Variants in SLC22A23 observed in about 807,000 individuals in gnomAD.
The protein encoded by SLC22A23 is ion transporter protein.
In SLC22A23, 26 loss-of-function variants were observed where a neutral mutation model predicts 61.0. The ratio of observed to expected loss-of-function variants is 0.43; its 90% CI spans 0.31 to 0.59. SLC22A23 has a LOEUF of 0.59. Ranked by LOEUF, SLC22A23 falls within the 20% of genes least tolerant of loss-of-function variation. SLC22A23 has a pLI of 0.11. For missense variants in SLC22A23, 796 were observed against 934.7 expected, an observed-to-expected ratio of 0.85 and a Z score of 1.94; for synonymous variants, 430 against 413.9, an observed-to-expected ratio of 1.04 and a Z score of -0.47.
intron 3 of SLC22A23, among the ~76,000 whole-genome samples, chr6:3,351,750 AT>A (rs1157281368): frequency 6.6e-6 from 1 of 152,294 alleles, no homozygotes; most frequent in South Asian, 2.1e-4. Context: ...TATTTCTGCT[AT>A]TTGGTATCAA....
intron 9 of SLC22A23, among the ~76,000 whole-genome samples, chr6:3,275,729 C>T (rs945306770): frequency 2.0e-5 from 3 of 152,152 alleles, no homozygotes; most frequent in East Asian, 1.9e-4. Context: ...ACTATAGGCG[C>T]GTGCCACCAT....
rs1174839395 is a variant in SLC22A23 at position 3,287,027 on chromosome 6, G to A, written c.1378C>T (p.Pro460Ser). 6.2e-7 allele frequency: 1 copy of A among 1,614,226 alleles called. No homozygotes were observed. The highest frequency in any genetic ancestry group is 8.5e-7 in the Non-Finnish European group (1 of 1,180,054). The change falls in exon 7 of 10, where the codon CCG becomes TCG. Residue 460 changes from proline to serine, a missense_variant. Coordinates refer to ENST00000406686, the MANE Select transcript of SLC22A23 (RefSeq NM_015482.2). The part of the protein sequence containing the change: ...RSMMGHEVKV[P>S]LLENFYADYY... ...TCAGCATAGAAGTTCTCCAGGAGCG[G>A]CACCTTCACCTCGTGGCCCATCATG...
In SLC22A23 at chr6:3,297,869, A is replaced by G. The variant is rs1377236399; in HGVS notation, c.1210+222T>C. On this transcript the variant is annotated intron_variant, in intron 5 of 9. Coordinates refer to ENST00000406686, the MANE Select transcript of SLC22A23 (RefSeq NM_015482.2). This position sits in a 1 kb window ranked among gnomAD's most constrained non-coding sequence, Gnocchi z 4.3. ...GCTCGCTTCTGCATTTAGACAGGAG[A>G]TGAGCAGATCCAGAGTGTGCTGGAC... Among the ~76,000 whole-genome samples the G allele has an allele frequency of 6.6e-6, 1 of 152,184 alleles. No homozygotes were observed. The highest frequency in any genetic ancestry group is 1.5e-5 in the Non-Finnish European group (1 of 68,028).
In SLC22A23 at chr6:3,387,625, GT is replaced by G. The variant is rs1456105915; in HGVS notation, c.913+22562del. On this transcript the variant is annotated intron_variant, in intron 3 of 9. Coordinates refer to ENST00000406686, the MANE Select transcript of SLC22A23 (RefSeq NM_015482.2). This position sits in a 1 kb window ranked among gnomAD's most constrained non-coding sequence, Gnocchi z 5.0. Reference sequence around the variant, plus strand: ...CCGTAGCGTGGTTATGTGAGTTCACGTTAGCGGAAGGCGGGTGAGTGAAGGG... The same window carrying G: ...CCGTAGCGTGGTTATGTGAGTTCACGTAGCGGAAGGCGGGTGAGTGAAGGG... Among the ~76,000 whole-genome samples the G allele has an allele frequency of 3.9e-5, 6 of 152,254 alleles. No individual in the cohort carries two copies. The highest frequency in any genetic ancestry group is 1.4e-4 in the African/African-American group (6 of 41,472).
At chr6:3,440,928 C>A (rs182834021) in intron 1 of SLC22A23, among the ~76,000 whole-genome samples, 1 of 152,208 alleles carries the variant, frequency 6.6e-6, no homozygotes, top group Non-Finnish European at 1.5e-5. Flanking sequence ...GCCCTAGAAA[C>A]TCACCCAGGG....
chr6:3,296,953 A>G (rs1235301901), intron 5 of SLC22A23, among the ~76,000 whole-genome samples: 8 of 152,188 alleles, frequency 5.3e-5, no homozygotes. Flanking sequence ...CCTGCAGGGC[A>G]CATTCTCCCA....
intron 3 of SLC22A23, among the ~76,000 whole-genome samples, chr6:3,376,737 A>G (rs536329206): frequency 1.3e-5 from 2 of 152,312 alleles, no homozygotes; most frequent in East Asian, 3.9e-4. Flanking sequence ...TATCTCGTAG[A>G]CTAGCTGGAG....
At chr6:3,396,597 GCACA>G (rs1768020365) in intron 3 of SLC22A23, among the ~76,000 whole-genome samples, 1 of 152,090 alleles carries the variant, frequency 6.6e-6, no homozygotes, top group Middle Eastern at 3.2e-3. Context: ...TAGCAGGGAG[GCACA>G]CAGGCAGCTG....
At chr6:3,424,999 G>C (rs1261677963) in intron 1 of SLC22A23, among the ~76,000 whole-genome samples, 2 of 152,176 alleles carry the variant, frequency 1.3e-5, no homozygotes, top group Non-Finnish European at 2.9e-5. Flanking sequence ...AGGTAGGAAT[G>C]ACCCTCCCAG....
intron 3 of SLC22A23, among the ~76,000 whole-genome samples, chr6:3,393,539 C>T (rs1464017352): frequency 6.6e-6 from 1 of 152,140 alleles, no homozygotes; most frequent in Non-Finnish European, 1.5e-5. Context: ...TGACCTAAAC[C>T]CTCCTCTAAG....
At chr6:3,296,075 G>A (rs1233501910) in intron 5 of SLC22A23, among the ~76,000 whole-genome samples, 1 of 148,032 alleles carries the variant, frequency 6.8e-6, no homozygotes, top group African/African-American at 2.6e-5. Flanking sequence ...ATATTTTAAC[G>A]TGAAAGAAGC....
intron 5 of SLC22A23, chr6:3,291,403 A>G (rs927057637): frequency 1.3e-5 from 2 of 152,250 alleles, no homozygotes; most frequent in African/African-American, 4.8e-5. Flanking sequence ...TTATTCAAAC[A>G]TTGTTTTTGA....
Position 3,406,694 on chromosome 6 carries a change from C to T in SLC22A23, c.913+3494G>A, listed in dbSNP as rs573545826. ...ATTGAGCTTGGCTTGTTCTCTCTTG[C>T]TCTTGCCAATGTGCACTCTGCTTCC... On this transcript the variant is annotated intron_variant, in intron 3 of 9. Transcript: ENST00000406686. Among the ~76,000 whole-genome samples, 3 of 152,288 alleles carry T rather than the reference C, an allele frequency of 2.0e-5. No individual in the cohort carries two copies. The East Asian group carries it at 5.8e-4, about 29-fold the overall frequency.
At chr6:3,352,400 C>G (rs1764827260) in intron 3 of SLC22A23, among the ~76,000 whole-genome samples, 1 of 152,104 alleles carries the variant, frequency 6.6e-6, no homozygotes, top group Non-Finnish European at 1.5e-5. Flanking sequence ...CACACAGACA[C>G]AGCCACAGAA....
chr6:3,326,350 C>T (rs1395321369), intron 3 of SLC22A23, among the ~76,000 whole-genome samples: 3 of 152,176 alleles, frequency 2.0e-5, no homozygotes, highest in African/African-American at 7.2e-5. Flanking sequence ...CCTGCTGTGT[C>T]GGTATCGCAT....
intron 1 of SLC22A23, among the ~76,000 whole-genome samples, chr6:3,452,064 C>T (rs1772177307): frequency 6.6e-6 from 1 of 152,198 alleles, no homozygotes; most frequent in Non-Finnish European, 1.5e-5. Flanking sequence ...TTCTGCCCAA[C>T]TGTGGGCTAA....
intron 3 of SLC22A23, among the ~76,000 whole-genome samples, chr6:3,396,141 A>G (rs1293271836): frequency 1.3e-5 from 2 of 152,164 alleles, no homozygotes; most frequent in African/African-American, 2.4e-5. Context: ...ACGGAAGGGA[A>G]GTGCTAGGAA....
At chr6:3,306,803 T>C (rs888280388) in intron 4 of SLC22A23, among the ~76,000 whole-genome samples, 1 of 152,164 alleles carries the variant, frequency 6.6e-6, no homozygotes, top group African/African-American at 2.4e-5. Context: ...AGAGTATTTT[T>C]CTCTTTGCTT....
chr6:3,393,829 T>A (rs1343660442), intron 3 of SLC22A23, among the ~76,000 whole-genome samples: 1 of 152,222 alleles, frequency 6.6e-6, no homozygotes, highest in Non-Finnish European at 1.5e-5. Context: ...TACCTCTTCA[T>A]CCCTCTGAAA....
Sources: allele counts gnomAD v4.1 joint callset (sites outside exome capture counted in the v4.1 genomes callset), GRCh38; gene constraint gnomAD v4.1.1; non-coding constraint Gnocchi (gnomAD v3.1); transcripts MANE v1.5; gene names NCBI Gene and HGNC (gene_info 2026-07-23, HGNC 2026-07-21).